EML6: variants seen among roughly 807,000 people sequenced by gnomAD.
EML6 encodes EMAP like 6.
A neutral mutation model predicts 240.1 loss-of-function variants in EML6; 154 were observed. The ratio of observed to expected loss-of-function variants is 0.64; its 90% CI spans 0.56 to 0.73. EML6 has a LOEUF of 0.73. Among genes scored for constraint, EML6 ranks in the 30% least tolerant of loss-of-function variants. The pLI is 0.00. For synonymous variants in EML6, 1,148 were observed against 899.0 expected (o/e 1.28, Z -4.95); for missense variants, 2,964 against 2,474.6 (o/e 1.20, Z -4.20).
intron 17 of EML6, among the ~76,000 whole-genome samples, chr2:54,889,993 C>T (rs1672380786): frequency 6.6e-6 from 1 of 152,166 alleles, no homozygotes; most frequent in Non-Finnish European, 1.5e-5. Flanking sequence ...CTGGGTTTCT[C>T]AATGACAAAG....
intron 7 of EML6, among the ~76,000 whole-genome samples, chr2:54,835,393 G>A (rs1004310632): frequency 1.3e-5 from 2 of 152,174 alleles, no homozygotes; most frequent in Non-Finnish European, 2.9e-5. Context: ...AGGACTGGAG[G>A]GTGGAGCCTT....
intron 13 of EML6, 130 bp from the exon 14 acceptor site, chr2:54,866,636 A>T: frequency 2.0e-6 from 1 of 501,654 alleles, no homozygotes. Context: ...AGTAATATTC[A>T]TTCTCATGTC....
intron 2 of EML6, among the ~76,000 whole-genome samples, chr2:54,810,900 A>G (rs895493673): frequency 6.6e-6 from 1 of 152,154 alleles, no homozygotes; most frequent in Non-Finnish European, 1.5e-5. Context: ...AAAATTGGAT[A>G]GTTAGGCCAT....
intron 7 of EML6, among the ~76,000 whole-genome samples, chr2:54,836,513 C>G (rs976910422): frequency 6.6e-6 from 1 of 152,180 alleles, no homozygotes; most frequent in East Asian, 1.9e-4. Flanking sequence ...CATAGGCAGT[C>G]CACGCTTAGG....
intron 5 of EML6, among the ~76,000 whole-genome samples, chr2:54,822,594 T>C (rs529914999): frequency 2.6e-5 from 4 of 152,226 alleles, no homozygotes; most frequent in African/African-American, 9.6e-5. Context: ...AATGATGATA[T>C]TGGGAAATAT....
chr2:54,765,755 T>C (rs1350612202), intron 2 of EML6, among the ~76,000 whole-genome samples: 1 of 152,216 alleles, frequency 6.6e-6, no homozygotes, highest in African/African-American at 2.4e-5. Flanking sequence ...GCATTCTTTT[T>C]AGTTTAGTCC....
chr2:54,956,797 T>C (rs547616169), intron 32 of EML6, among the ~76,000 whole-genome samples: 3 of 152,096 alleles, frequency 2.0e-5, no homozygotes, highest in Admixed American at 2.0e-4. Context: ...GTGTGAATAA[T>C]CAAGGGAGGG....
chr2:54,919,763 C>T (rs374101319), intron 26 of EML6, among the ~76,000 whole-genome samples: 14 of 152,172 alleles, frequency 9.2e-5, no homozygotes, highest in African/African-American at 3.4e-4. Flanking sequence ...TAGTACTTCC[C>T]CTACCTGACA....
intron 7 of EML6, among the ~76,000 whole-genome samples, chr2:54,840,093 A>T (rs1417232071): frequency 6.6e-6 from 1 of 152,208 alleles, no homozygotes; most frequent in East Asian, 1.9e-4. Flanking sequence ...ATAATGCTGA[A>T]GAGTACAGCA....
chr2:54,802,134 C>G (rs1670186137), intron 2 of EML6, among the ~76,000 whole-genome samples: 1 of 152,114 alleles, frequency 6.6e-6, no homozygotes, highest in South Asian at 2.1e-4. Context: ...AAAAAACAGA[C>G]TATAAAATCC....
chr2:54,878,516 T>C (rs999675118), intron 16 of EML6, among the ~76,000 whole-genome samples: 1 of 152,202 alleles, frequency 6.6e-6, no homozygotes, highest in African/African-American at 2.4e-5. Context: ...TCTTTTGTCT[T>C]GAAGGGAAAA....
intron 4 of EML6, among the ~76,000 whole-genome samples, chr2:54,819,109 G>A (rs1409072232): frequency 1.3e-5 from 2 of 152,194 alleles, no homozygotes; most frequent in Non-Finnish European, 2.9e-5. Context: ...TGGATACTTG[G>A]ACCAAGTACT....
At chr2:54,742,768 A>T (rs187019803) in intron 2 of EML6, among the ~76,000 whole-genome samples, 266 of 152,308 alleles carry the variant, frequency 1.7e-3, no homozygotes, top group Non-Finnish European at 2.4e-3. Flanking sequence ...AGTAAAGCAT[A>T]TAAGGAGCTT....
intron 2 of EML6, among the ~76,000 whole-genome samples, chr2:54,786,738 G>T (rs934129696): frequency 4.6e-5 from 7 of 152,200 alleles, no homozygotes; most frequent in African/African-American, 7.2e-5. Context: ...GAGTTTCCAT[G>T]TTGAATCCAG....
intron 38 of EML6, chr2:54,966,744 G>T: frequency 4.0e-6 from 1 of 247,272 alleles, no homozygotes; most frequent in East Asian, 8.1e-5. Flanking sequence ...GTTGCTGGTC[G>T]GGAACCACAC....
intron 4 of EML6, among the ~76,000 whole-genome samples, chr2:54,820,060 C>T (rs1164599672): frequency 6.6e-6 from 1 of 152,134 alleles, no homozygotes; most frequent in Non-Finnish European, 1.5e-5. Flanking sequence ...AAAGTGTTAG[C>T]ACTGTGGAGT....
rs1457741975 is a variant in EML6, at chr2:54,879,486, T to C, written c.2345-61T>C. ...ATCAGTTACTTATTCCTCTTTACAG[T>C]GTATGAAATGTTTTGTTTTTTCATG... On this transcript the variant is annotated intron_variant, in intron 16 of 41. Transcript: ENST00000356458. 9 of 1,034,270 alleles carry C rather than the reference T, an allele frequency of 8.7e-6. 1 individual carries two copies. The highest frequency in any genetic ancestry group is 1.5e-6 in the Non-Finnish European group (1 of 679,576). 64.1% of individuals were successfully genotyped at this position (1,034,270 alleles called of 1,614,324 possible).
chr2:54,923,219 G>A (rs1177070275), intron 26 of EML6, among the ~76,000 whole-genome samples: 1 of 152,096 alleles, frequency 6.6e-6, no homozygotes, highest in Non-Finnish European at 1.5e-5. Context: ...GGGATTACAG[G>A]TGTGAGCCAC....
At chr2:54,763,560 T>G (rs150911803) in intron 2 of EML6, among the ~76,000 whole-genome samples, 22 of 152,286 alleles carry the variant, frequency 1.4e-4, no homozygotes, top group Admixed American at 3.3e-4. Context: ...GAATTTAAAA[T>G]CAAACACAGT....
Sources: allele counts gnomAD v4.1 joint callset (sites outside exome capture counted in the v4.1 genomes callset), GRCh38; gene constraint gnomAD v4.1.1; transcripts MANE v1.5; gene names NCBI Gene and HGNC (gene_info 2026-07-23, HGNC 2026-07-21).